The following PPIL1 variants were observed in gnomAD, a reference collection of about 807,000 sequenced individuals.
The protein encoded by PPIL1 is peptidylprolyl isomerase like 1.
A neutral mutation model predicts 19.4 loss-of-function variants in PPIL1; 14 were observed. That is an observed-to-expected ratio of 0.72 (90% CI 0.48 to 1.13). The LOEUF (loss-of-function observed/expected upper bound fraction) is 1.13. Among genes scored for constraint, PPIL1 ranks in the 50% most tolerant of loss-of-function variants. The probability of loss-of-function intolerance (pLI) is 0.00; values close to 1 mark genes in which losing one functional copy is unlikely to be tolerated. For missense variants in PPIL1, 192 were observed against 218.0 expected (o/e 0.88, Z 0.75); for synonymous variants, 72 against 73.6 (o/e 0.98, Z 0.11).
chr6:36,874,113 G>A (rs1774581464), intron 1 of PPIL1, among the ~76,000 whole-genome samples: 1 of 152,116 alleles, frequency 6.6e-6, no homozygotes, highest in Non-Finnish European at 1.5e-5. Context: ...TGTAAATTCC[G>A]GCGTTTCCTC....
At chr6:36,871,102 C>T (rs62406644) in intron 2 of PPIL1, among the ~76,000 whole-genome samples, 29,646 of 152,142 alleles carry the variant, frequency 0.19, 3,721 homozygotes, top group East Asian at 0.36. Flanking sequence ...TTTGCTCTTC[C>T]CTCCATCCAA....
rs1170613368 is a variant in PPIL1 at position 36,874,404 on chromosome 6, G to A, written c.56+313C>T. 3.9e-5 allele frequency among the ~76,000 whole-genome samples: 6 copies of A among 152,206 alleles called. No homozygotes were observed. The East Asian group carries it at 1.2e-3, about 29-fold the overall frequency. On this transcript the variant is annotated intron_variant, in intron 1 of 3. Transcript: ENST00000373699. ...TGTTTTATCTACCTCTGTATCCTCA[G>A]AACTCATATTCCATATGCCTGGCTT...
chr6:36,857,838 G>GTTT (rs1219767619), intron 2 of PPIL1, among the ~76,000 whole-genome samples: 7 of 152,146 alleles, frequency 4.6e-5, no homozygotes, highest in Admixed American at 4.6e-4. Flanking sequence ...TTATTTGCTA[G>GTTT]CAGCATCACC....
chr6:36,862,477 G>A (rs954971981), intron 2 of PPIL1, among the ~76,000 whole-genome samples: 1 of 152,238 alleles, frequency 6.6e-6, no homozygotes, highest in Non-Finnish European at 1.5e-5. Context: ...AGAAGTCGCT[G>A]AGTCAAGCTT....
At chr6:36,863,296 T>C (rs1774327565) in intron 2 of PPIL1, among the ~76,000 whole-genome samples, 1 of 152,180 alleles carries the variant, frequency 6.6e-6, no homozygotes, top group Non-Finnish European at 1.5e-5. Context: ...AGGAGAACCT[T>C]GCTTCTTATT....
chr6:36,869,917 G>A (rs1416281586), intron 2 of PPIL1, among the ~76,000 whole-genome samples: 1 of 151,986 alleles, frequency 6.6e-6, no homozygotes, highest in African/African-American at 2.4e-5. Flanking sequence ...CATTTATCCT[G>A]TCATCCCTTA....
At chr6:36,864,860 G>A (rs371616189) in intron 2 of PPIL1, among the ~76,000 whole-genome samples, 10 of 151,736 alleles carry the variant, frequency 6.6e-5, no homozygotes, top group East Asian at 1.9e-4. Context: ...TTCATTCTCC[G>A]TCTCTCACCA....
chr6:36,867,497 C>A (rs1325735707), intron 2 of PPIL1, among the ~76,000 whole-genome samples: 1 of 152,234 alleles, frequency 6.6e-6, no homozygotes, highest in Non-Finnish European at 1.5e-5. Context: ...AAATACCCTC[C>A]GATTCTGAAC....
chr6:36,858,245 A>G lies in PPIL1; in HGVS notation c.212-1591T>C, dbSNP rs1283954172. 2.6e-5 allele frequency among the ~76,000 whole-genome samples: 4 copies of G among 151,888 alleles called. No individual in the cohort carries two copies. In the South Asian group the frequency reaches 6.2e-4, roughly 24 times the overall value. ...CAAGACTGTCTCAAAAAAAAAAAAA[A>G]AAAAAAAAAAAGATGTAAGTTAAAC... On this transcript the variant is annotated intron_variant, in intron 2 of 3. Transcript: ENST00000373699.
chr6:36,860,294 G>C (rs1001580894), intron 2 of PPIL1, among the ~76,000 whole-genome samples: 3 of 151,894 alleles, frequency 2.0e-5, no homozygotes, highest in African/African-American at 7.3e-5. Context: ...GGTGAAACTC[G>C]TCTCTACAAA....
At position 36,855,331 on chromosome 6, in the gene PPIL1, A is replaced by C. The variant is rs899490165; in HGVS notation, c.*482T>G. ...AGATGCATACATTCCCTAGAAGAACAAATGTAAAAGACTGAAATAGGGCGT... is the reference window on the plus strand; with the variant it reads ...AGATGCATACATTCCCTAGAAGAACCAATGTAAAAGACTGAAATAGGGCGT... On this transcript the variant is annotated 3_prime_UTR_variant, in exon 4 of 4. Transcript: ENST00000373699. 1 of 169,504 alleles carries C rather than the reference A, an allele frequency of 5.9e-6. No individual in the cohort carries two copies. Among genetic ancestry groups the C allele is most frequent in the African/African-American group, 2.4e-5 (1 of 42,040 alleles). 10.5% of individuals were successfully genotyped at this position (169,504 alleles called of 1,614,324 possible). A position where few individuals can be genotyped will look rare whatever the true frequency, so the allele number is the denominator to read the frequency against.
intron 1 of PPIL1, among the ~76,000 whole-genome samples, chr6:36,873,934 GA>G: frequency 6.6e-6 from 1 of 152,124 alleles, no homozygotes; most frequent in East Asian, 1.9e-4. Flanking sequence ...AAGGTTTTTT[GA>G]GCAGGATCCC....
chr6:36,857,103 A>T (rs1370762786), intron 2 of PPIL1, among the ~76,000 whole-genome samples: 1 of 152,186 alleles, frequency 6.6e-6, no homozygotes, highest in East Asian at 1.9e-4. Flanking sequence ...ATTGCCAATC[A>T]ATCAGTATTC....
chr6:36,866,834 G>A (rs796402233), intron 2 of PPIL1, among the ~76,000 whole-genome samples: 2 of 152,286 alleles, frequency 1.3e-5, no homozygotes, highest in African/African-American at 4.8e-5. Flanking sequence ...AGCAGGACTA[G>A]ACTCTGCCTC....
chr6:36,874,346 T>C (rs776784148), intron 1 of PPIL1, among the ~76,000 whole-genome samples: 2 of 152,244 alleles, frequency 1.3e-5, no homozygotes, highest in Non-Finnish European at 2.9e-5. Context: ...TCTCTTTCAT[T>C]ATACCGTAAG....
chr6:36,871,632 C>T, intron 2 of PPIL1, 86 bp downstream of exon 2: 1 of 1,479,572 alleles, frequency 6.8e-7, no homozygotes, highest in Non-Finnish European at 9.1e-7. Flanking sequence ...ACGACAGAGA[C>T]TTCAGAAACT....
chr6:36,862,394 A>T (rs139897051), intron 2 of PPIL1, among the ~76,000 whole-genome samples: 1 of 152,314 alleles, frequency 6.6e-6, no homozygotes, highest in Non-Finnish European at 1.5e-5. Flanking sequence ...GAGACAAAAA[A>T]GGCAGGTGCT....
intron 2 of PPIL1, among the ~76,000 whole-genome samples, chr6:36,869,962 T>A (rs1014445410): frequency 5.3e-5 from 8 of 152,300 alleles, no homozygotes; most frequent in East Asian, 1.9e-4. Context: ...GTTAACACTG[T>A]TCCTTTCTGA....
chr6:36,866,268 G>A (rs1008732866), intron 2 of PPIL1, among the ~76,000 whole-genome samples: 2 of 152,178 alleles, frequency 1.3e-5, no homozygotes, highest in African/African-American at 4.8e-5. Flanking sequence ...AAGGCATCTG[G>A]CAAAGATGTA....
Sources: gnomAD v4.1 joint callset for allele counts (sites outside exome capture counted in the v4.1 genomes callset) on GRCh38, gnomAD v4.1.1 for gene constraint, MANE v1.5 for transcripts, NCBI Gene and HGNC (gene_info 2026-07-23, HGNC 2026-07-21) for gene names.